The following IGFN1 variants were observed in gnomAD, a reference collection of about 807,000 sequenced individuals.
IGFN1 encodes immunoglobulin like and fibronectin type III domain containing 1, also known as immunoglobulin-like and fibronectin type III domain-containing protein 1.
Under a neutral mutation model 289.5 loss-of-function variants are expected in IGFN1, and 253 were observed. That is an observed-to-expected ratio of 0.87 (90% CI 0.79 to 0.97). The LOEUF is 0.97. IGFN1 is among the 50% of genes least tolerant of loss of function. The probability of loss-of-function intolerance (pLI) is 0.00; values close to 1 mark genes in which losing one functional copy is unlikely to be tolerated. For missense variants in IGFN1, 4,470 were observed against 4,686.1 expected (o/e 0.95, Z 1.35); for synonymous variants, 1,706 against 1,788.5 (o/e 0.95, Z 1.16).
chr1:201,208,003 C>T lies in IGFN1; in HGVS notation c.3110C>T (p.Ala1037Val), dbSNP rs1340607576. 4.6e-6 allele frequency: 7 copies of T among 1,536,772 alleles called. No homozygotes were observed. The highest frequency in any genetic ancestry group is 5.2e-6 in the Non-Finnish European group (6 of 1,146,794). The change falls in exon 12 of 24, where the codon GCC (alanine) becomes GTC (valine). Residue 1037 changes from alanine (A) to valine (V), a missense_variant. Physicochemically the swap from Ala to Val is moderately conservative, Grantham distance 64. Coordinates refer to ENST00000335211, the MANE Select transcript of IGFN1 (RefSeq NM_001164586.2). Reference sequence around the variant, plus strand: ...GCAGGAGGAGGGTCTGGGAGAGTTGCCAGTCTTAAAAATGGCTCAGGTGGT... The same window carrying T: ...GCAGGAGGAGGGTCTGGGAGAGTTGTCAGTCTTAAAAATGGCTCAGGTGGT... ...GPAGGGSGRV[A>V]SLKNGSGGPD... is the part of the protein sequence containing the mutation.
At chr1:201,191,075 A>G (rs1666639432) in intron 1 of IGFN1, among the ~76,000 whole-genome samples, 168 bp downstream of exon 1, 1 of 152,136 alleles carries the variant, frequency 6.6e-6, no homozygotes, top group African/African-American at 2.4e-5. Context: ...GTGCACCTGT[A>G]TCCCCTCTAG....
In IGFN1 at chr1:201,216,741, G is replaced by A. The variant is rs767754053; in HGVS notation, c.9583G>A (p.Val3195Met). The part of the protein sequence containing the change: ...GEALESEEIL[V>M]APEALPKAPS... Reference sequence around the variant, plus strand: ...GGCCCTGGAGTCTGAGGAGATATTGGTGGCTCCTGAGGGTGAGAGAAAAGG... The same window carrying A: ...GGCCCTGGAGTCTGAGGAGATATTGATGGCTCCTGAGGGTGAGAGAAAAGG... The change falls in exon 16 of 24, where the codon GTG becomes ATG. Residue 3195 changes from valine (V) to methionine (M), a missense_variant. This residue lies in a region of IGFN1 where 2,218 missense variants were observed against 2,114.1 expected (regional missense o/e 1.05). Coordinates refer to ENST00000335211, the MANE Select transcript of IGFN1 (RefSeq NM_001164586.2). 9 of 1,607,554 alleles carry A rather than the reference G, an allele frequency of 5.6e-6. No individual in the cohort carries two copies. Among genetic ancestry groups the A allele is most frequent in the East Asian group, 2.2e-5 (1 of 44,772 alleles).
intron 22 of IGFN1, among the ~76,000 whole-genome samples, chr1:201,226,451 AGT>A (rs1190282872): frequency 6.6e-6 from 1 of 152,238 alleles, no homozygotes; most frequent in East Asian, 1.9e-4. Context: ...CTGAAAACAA[AGT>A]GTATATTTTA....
rs12060523 is a variant in IGFN1, at chr1:201,211,982, G to T, written c.7089G>T (p.Gly2363=). The T allele has an allele frequency of 1.9e-3, 2,920 of 1,535,490 alleles. 55 individuals carry two copies. The African/African-American group carries it at 0.035, about 19-fold the overall frequency. Residue 2363 remains glycine (G), a synonymous_variant, in exon 12 of 24, where the codon GGG becomes GGT. Coordinates refer to ENST00000335211, the MANE Select transcript of IGFN1 (RefSeq NM_001164586.2). ...EGKMGYGDGS[G]RLGVPGSLAG... Reference sequence around the variant, plus strand: ...AGATGGGTTATGGAGATGGTTCAGGGAGGCTTGGAGTACCAGGCTCACTGG... The same window carrying T: ...AGATGGGTTATGGAGATGGTTCAGGTAGGCTTGGAGTACCAGGCTCACTGG...
At chr1:201,224,012 A>G (rs1382200604) in intron 20 of IGFN1, among the ~76,000 whole-genome samples, 1 of 152,182 alleles carries the variant, frequency 6.6e-6, no homozygotes, top group Non-Finnish European at 1.5e-5. Context: ...ATTTATTATT[A>G]ACGCCTTAAA....
At chr1:201,199,476 G>T in intron 6 of IGFN1, 98 bp downstream of exon 6, 1 of 1,409,826 alleles carries the variant, frequency 7.1e-7, no homozygotes, top group Non-Finnish European at 9.8e-7. Flanking sequence ...TGAACACCTT[G>T]TGGATCACCA....
intron 2 of IGFN1, 89 bp from the exon 3 acceptor site, chr1:201,194,065 G>A (rs1558131380): frequency 3.4e-6 from 5 of 1,468,200 alleles, no homozygotes; most frequent in Non-Finnish European, 2.8e-6. Context: ...TTGCTCCTGG[G>A]GTGAGTGGGT....
intron 2 of IGFN1, among the ~76,000 whole-genome samples, 169 bp downstream of exon 2, chr1:201,193,469 T>A (rs1030108605): frequency 5.3e-5 from 8 of 152,164 alleles, no homozygotes; most frequent in African/African-American, 1.9e-4. Flanking sequence ...TGGCTTTTTT[T>A]GAGACAGAAT....
In IGFN1 at chr1:201,201,836, A is replaced by G; in HGVS notation, c.747+4A>G. On this transcript the variant is annotated splice_donor_region_variant and intron_variant, in intron 9 of 23. Coordinates refer to ENST00000335211, the MANE Select transcript of IGFN1 (RefSeq NM_001164586.2). ...GAGCAAGATTTACCTGTATAAGGTG[A>G]GGCTGGAGGGGCTATGGGTGGGGGG... The G allele has an allele frequency of 1.2e-6, 1 of 812,710 alleles. No individual in the cohort carries two copies. The highest frequency in any genetic ancestry group is 1.9e-6 in the Non-Finnish European group (1 of 515,458). 50.3% of individuals were successfully genotyped at this position (812,710 alleles called of 1,614,324 possible). A position where few individuals can be genotyped will look rare whatever the true frequency, so the allele number is the denominator to read the frequency against.
chr1:201,214,665 G>C (rs1056917473), intron 13 of IGFN1, among the ~76,000 whole-genome samples: 1 of 152,138 alleles, frequency 6.6e-6, no homozygotes, highest in Non-Finnish European at 1.5e-5. Flanking sequence ...CTCCATTAAA[G>C]CTGTCACCCC....
chr1:201,202,829 C>T (rs2102327845), intron 9 of IGFN1, among the ~76,000 whole-genome samples: 1 of 145,972 alleles, frequency 6.9e-6, no homozygotes, highest in African/African-American at 2.5e-5. Context: ...AATCTCGGCT[C>T]ACTGCAACCT....
chr1:201,216,798 T>C (rs755719221), intron 16 of IGFN1, 45 bp downstream of exon 16: 1 of 1,494,970 alleles, frequency 6.7e-7, no homozygotes, highest in Non-Finnish European at 9.1e-7. Context: ...ACTCCTGGGC[T>C]CCCCACTGTG....
At chr1:201,228,187 G>T (rs1044805637) in intron 23 of IGFN1, among the ~76,000 whole-genome samples, 199 bp from the exon 24 acceptor site, 2 of 152,204 alleles carry the variant, frequency 1.3e-5, no homozygotes, top group African/African-American at 4.8e-5. Context: ...GGCATTGGGG[G>T]TGATTATGGT....
At chr1:201,224,904 C>A in intron 21 of IGFN1, 30 bp downstream of exon 21, 1 of 1,563,382 alleles carries the variant, frequency 6.4e-7, no homozygotes, top group South Asian at 1.2e-5. Context: ...GGGCTCTGGA[C>A]GCTGGCTCGG....
In IGFN1 at chr1:201,228,446, C is replaced by A; in HGVS notation, c.*47C>A. The A allele has an allele frequency of 6.2e-7, 1 of 1,600,794 alleles. No individual in the cohort carries two copies. Among genetic ancestry groups the A allele is most frequent in the Non-Finnish European group, 8.6e-7 (1 of 1,167,874 alleles). On this transcript the variant is annotated 3_prime_UTR_variant, in exon 24 of 24. Transcript: ENST00000335211. ...TCCTGGACCCTTGAAGCTTCACTTCCGACACCTGCACTGGCCCGGGAAGCC... is the reference window on the plus strand; with the variant it reads ...TCCTGGACCCTTGAAGCTTCACTTCAGACACCTGCACTGGCCCGGGAAGCC...
At chr1:201,205,491 C>T in intron 11 of IGFN1, 137 bp downstream of exon 11, 1 of 1,008,986 alleles carries the variant, frequency 9.9e-7, no homozygotes, top group Non-Finnish European at 1.4e-6. Context: ...TCTCCACCCA[C>T]TGCAGTGCAG....
At chr1:201,220,717 A>G (rs747369191) in intron 18 of IGFN1, among the ~76,000 whole-genome samples, 1 of 152,260 alleles carries the variant, frequency 6.6e-6, no homozygotes, top group Non-Finnish European at 1.5e-5. Flanking sequence ...TTCTATACTA[A>G]TTAAAGTTTG....
Position 201,221,715 on chromosome 1 carries a change from G to C in IGFN1, c.10170G>C (p.Leu3390=), listed in dbSNP as rs147432377. 1.2e-6 allele frequency: 2 copies of C among 1,606,862 alleles called. No individual in the cohort carries two copies. Among genetic ancestry groups the C allele is most frequent in the African/African-American group, 2.7e-5 (2 of 74,876 alleles). Residue 3390 remains leucine, a synonymous_variant, in exon 19 of 24, where the codon CTG becomes CTC. Transcript: ENST00000335211. ...NEGGQSQPSA[L]DTLVQAMPVT... The stretch of plus-strand genomic sequence containing the variant: ...GAGGCCAGAGCCAGCCCAGTGCCCT[G>C]GACACATTAGTGCAAGCCATGCCTG...
chr1:201,205,045 C>A, intron 10 of IGFN1, 37 bp from the exon 11 acceptor site: 1 of 1,511,508 alleles, frequency 6.6e-7, no homozygotes, highest in South Asian at 1.3e-5. Context: ...TGTGTCATAC[C>A]ATCAAGCTGA....
Sources: allele counts gnomAD v4.1 joint callset (sites outside exome capture counted in the v4.1 genomes callset), GRCh38; gene constraint gnomAD v4.1.1; regional missense constraint gnomAD v4.1.1; transcripts MANE v1.5; gene names NCBI Gene and HGNC (gene_info 2026-07-23, HGNC 2026-07-21).